Variants in SYN1 observed in about 807,000 individuals in gnomAD.
The protein encoded by SYN1 is synapsin-1.
In SYN1, 8 loss-of-function variants were observed where a neutral mutation model predicts 44.6. That is an observed-to-expected ratio of 0.18 (90% CI 0.11 to 0.32). The LOEUF is 0.32. SYN1 is among the 10% of genes least tolerant of loss of function. The pLI is 1.00. For synonymous variants in SYN1, 275 were observed against 280.1 expected, an observed-to-expected ratio of 0.98 and a Z score of 0.18; for missense variants, 451 against 639.4, an observed-to-expected ratio of 0.71 and a Z score of 3.18.
At chrX:47,618,933 A>C (rs887853481) in intron 1 of SYN1, among the ~76,000 whole-genome samples, 1 of 111,282 alleles carries the variant, frequency 9.0e-6, no homozygotes, top group Non-Finnish European at 1.9e-5. Context: ...ATTGAAATCA[A>C]AGGCCTTGGG....
chrX:47,579,801 G>A (rs2057790017), intron 5 of SYN1, among the ~76,000 whole-genome samples: 3 of 110,035 alleles, frequency 2.7e-5, no homozygotes, highest in Admixed American at 1.9e-4. Context: ...TTCATAATCA[G>A]CTCCTACAGA....
intron 5 of SYN1, among the ~76,000 whole-genome samples, chrX:47,599,331 G>C (rs1215996927): frequency 8.9e-6 from 1 of 112,131 alleles, no homozygotes; most frequent in Non-Finnish European, 1.9e-5. Context: ...CATGCTCTTT[G>C]AGGCTGAAGC....
At chrX:47,595,454 T>C (rs1207056512) in intron 5 of SYN1, among the ~76,000 whole-genome samples, 1 of 111,364 alleles carries the variant, frequency 9.0e-6, no homozygotes, top group Non-Finnish European at 1.9e-5. Flanking sequence ...TCTGATGCTA[T>C]CCTCCAGGTA....
intron 6 of SYN1, 109 bp from the exon 7 acceptor site, chrX:47,576,749 C>A: frequency 9.6e-7 from 1 of 1,042,323 alleles, no homozygotes. Flanking sequence ...GGCGAGTACA[C>A]AAAAATTAGG....
Position 47,574,239 on chromosome X carries a change from G to A in SYN1, c.1745C>T (p.Pro582Leu), listed in dbSNP as rs1464553893. 9.1e-7 allele frequency: 1 copy of A among 1,095,448 alleles called. No individual in the cohort carries two copies. Among genetic ancestry groups the A allele is most frequent in the Non-Finnish European group, 1.2e-6 (1 of 844,581 alleles). The allele number at this position is 1,095,448 out of a possible 1,213,427, so 90.3% of individuals were successfully genotyped here. A position where few individuals can be genotyped will look rare whatever the true frequency, so the allele number is the denominator to read the frequency against. Reference protein sequence around the residue: ...PAPPKASGAPPGGQQRQGPPQ... With the variant: ...PAPPKASGAPLGGQQRQGPPQ... ...CGGGCCCTGGCGCTGCTGCCCGCCC[G>A]GTGGGGCCCCAGAGGCCTTTGGCGG... Residue 582 changes from proline (P) to leucine (L), a missense_variant, in exon 12 of 13, where the codon CCG becomes CTG. Coordinates refer to ENST00000295987, the MANE Select transcript of SYN1 (RefSeq NM_006950.3).
chrX:47,592,807 GTTAT>G (rs1244116250), intron 5 of SYN1, among the ~76,000 whole-genome samples: 1 of 111,012 alleles, frequency 9.0e-6, no homozygotes, highest in African/African-American at 3.3e-5. Flanking sequence ...CTTCTATCTG[GTTAT>G]TTGTGTATAT....
intron 5 of SYN1, among the ~76,000 whole-genome samples, chrX:47,589,519 C>A (rs1018762840): frequency 8.6e-5 from 9 of 104,545 alleles, no homozygotes; most frequent in Non-Finnish European, 1.4e-4. Flanking sequence ...TGGCATGAAC[C>A]TGGGAGGCGG....
rs369102245 is a variant in SYN1 at position 47,583,548 on chromosome X, C to T, written c.775-6047G>A. The T allele has an allele frequency of 8.5e-5, 100 of 1,180,087 alleles. No individual in the cohort carries two copies. The African/African-American group carries it at 1.6e-3, about 19-fold the overall frequency. ...CAATTCCGACCTCGGTGAGTCCTCA[C>T]CCCACTCAGCCCACACACTCTGCCT... On this transcript the variant is annotated intron_variant, in intron 5 of 12. Coordinates refer to ENST00000295987, the MANE Select transcript of SYN1 (RefSeq NM_006950.3).
At chrX:47,584,982 C>T (rs770105754) in intron 5 of SYN1, 1 of 1,211,319 alleles carries the variant, frequency 8.3e-7, no homozygotes, top group Non-Finnish European at 1.1e-6. Flanking sequence ...ACCAGACCAC[C>T]TTATACCAGC....
intron 6 of SYN1, 103 bp downstream of exon 6, chrX:47,577,336 A>G: frequency 8.9e-6 from 8 of 902,587 alleles, no homozygotes. Flanking sequence ...TTTTGCACCA[A>G]CCTGATAGAT....
intron 5 of SYN1, chrX:47,586,671 C>T: frequency 4.1e-6 from 5 of 1,210,204 alleles, no homozygotes; most frequent in Non-Finnish European, 5.6e-6. Context: ...CTGGCAGTCC[C>T]TGCGGTCCCA....
At chrX:47,584,933 C>T in intron 5 of SYN1, 1 of 1,208,916 alleles carries the variant, frequency 8.3e-7, no homozygotes, top group Non-Finnish European at 1.1e-6. Flanking sequence ...TCCTCTCCTG[C>T]AGTCATCAGG....
rs371389413 is a variant in SYN1, at chrX:47,607,114, C to G, written c.435+27G>C. 309 of 1,205,112 alleles carry G rather than the reference C, an allele frequency of 2.6e-4. No homozygotes were observed. In the African/African-American group the frequency reaches 5.1e-3, roughly 20 times the overall value. On this transcript the variant is annotated intron_variant, in intron 2 of 12. Coordinates refer to ENST00000295987, the MANE Select transcript of SYN1 (RefSeq NM_006950.3). ...CTCAGTTTGCAGTATGGACAACTGA[C>G]CCCCAGGTCCAAATGTCCCAACTTA...
Position 47,572,802 on chromosome X carries a change from G to A in SYN1, c.*62C>T. 1 of 1,205,763 alleles carries A rather than the reference G, an allele frequency of 8.3e-7. No homozygotes were observed. The highest frequency in any genetic ancestry group is 1.1e-6 in the Non-Finnish European group (1 of 890,701). ...AGGGATTTGGAGACTCCAAAAGTGA[G>A]AAATGGATTCAGGGCCCAGAGAAGG... On this transcript the variant is annotated 3_prime_UTR_variant, in exon 13 of 13. Transcript: ENST00000295987.
At chrX:47,585,597 G>A (rs2057821196) in intron 5 of SYN1, 1 of 1,196,351 alleles carries the variant, frequency 8.4e-7, no homozygotes, top group Admixed American at 2.2e-5. Flanking sequence ...GTGGCTCCCT[G>A]GAACAGCCTG....
chrX:47,608,512 G>A (rs887533573), intron 1 of SYN1, among the ~76,000 whole-genome samples: 13 of 111,344 alleles, frequency 1.2e-4, no homozygotes, highest in Non-Finnish European at 2.5e-4. Flanking sequence ...CCATAGGTGG[G>A]CAGCTGCATC....
chrX:47,606,774 T>C (rs920866807), intron 3 of SYN1, among the ~76,000 whole-genome samples, 171 bp downstream of exon 3: 3 of 106,254 alleles, frequency 2.8e-5, no homozygotes, highest in Non-Finnish European at 5.8e-5. Context: ...GTCTGACTTG[T>C]GGCATCCTGG....
chrX:47,617,566 AG>A (rs36041870), intron 1 of SYN1, among the ~76,000 whole-genome samples: 1 of 110,805 alleles, frequency 9.0e-6, no homozygotes, highest in Non-Finnish European at 1.9e-5. Context: ...GGAGTGGGAA[AG>A]GGGTGATCAT....
chrX:47,571,932 C>G lies in SYN1; in HGVS notation c.*932G>C. ...GCCTTTGCTTGTTTATTTTGTTTCC[C>G]GACTCTTCTCTTGGGGTTCAGAGCC... On this transcript the variant is annotated 3_prime_UTR_variant, in exon 13 of 13. Coordinates refer to ENST00000295987, the MANE Select transcript of SYN1 (RefSeq NM_006950.3). The G allele has an allele frequency of 5.9e-6, 1 of 169,589 alleles. No homozygotes were observed. 14.0% of individuals were successfully genotyped at this position (169,589 alleles called of 1,213,427 possible).
Sources: gnomAD v4.1 joint callset for allele counts (sites outside exome capture counted in the v4.1 genomes callset) on GRCh38, gnomAD v4.1.1 for gene constraint, MANE v1.5 for transcripts, NCBI Gene and HGNC (gene_info 2026-07-23, HGNC 2026-07-21) for gene names.